Variants in KBTBD2 observed in about 807,000 individuals in gnomAD.
KBTBD2 encodes the protein kelch repeat and BTB domain containing 2, also known as kelch repeat and BTB domain-containing protein 2.
KBTBD2 carries 17 observed loss-of-function variants against 57.1 expected under a neutral mutation model. The ratio of observed to expected loss-of-function variants is 0.30; its 90% CI spans 0.20 to 0.45. The LOEUF is 0.45. Among genes scored for constraint, KBTBD2 ranks in the 20% least tolerant of loss-of-function variants. KBTBD2 has a pLI of 1.00. For missense variants in KBTBD2, 515 were observed against 750.6 expected (o/e 0.69, Z 3.67); for synonymous variants, 267 against 262.7 (o/e 1.02, Z -0.16).
chr7:32,869,506 C>T lies in KBTBD2; in HGVS notation c.1711G>A (p.Val571Ile). 6.2e-7 allele frequency: 1 copy of T among 1,614,162 alleles called. No homozygotes were observed. ...WSLRQHISER[V>I]LWDLGRDFRC... The stretch of plus-strand genomic sequence containing the variant: ...AAATCTCTCCCCAAGTCCCACAGTA[C>T]ACGTTCAGATATATGCTGCCGCAGA... The change falls in exon 4 of 4, where the codon GTA becomes ATA. Residue 571 changes from valine (V) to isoleucine (I), a missense_variant. Transcript: ENST00000304056.
At chr7:32,878,523 T>C (rs1368993000) in intron 2 of KBTBD2, among the ~76,000 whole-genome samples, 1 of 150,574 alleles carries the variant, frequency 6.6e-6, no homozygotes, top group Admixed American at 6.7e-5. Flanking sequence ...GAGGTTGCAG[T>C]GAGCCGAGAT....
At position 32,870,075 on chromosome 7, in the gene KBTBD2, T is replaced by C. The variant is rs746501506; in HGVS notation, c.1142A>G (p.Tyr381Cys). The C allele has an allele frequency of 7.4e-6, 12 of 1,614,116 alleles. No individual in the cohort carries two copies. The highest frequency in any genetic ancestry group is 1.6e-4 in the Middle Eastern group (1 of 6,084). The change falls in exon 4 of 4, where the codon TAT becomes TGT. Residue 381 changes from tyrosine to cysteine, a missense_variant. Transcript: ENST00000304056. ...IKPSLVCCEG[Y>C]IYAIGGDSVG... ...GCTATCTCCTCCAATTGCATAGATA[T>C]AGCCTTCACAGCAAACCAAAGATGG...
At position 32,879,699 on chromosome 7, in the gene KBTBD2, A is replaced by C. The variant is rs145476576; in HGVS notation, c.-95T>G. On this transcript the variant is annotated 5_prime_UTR_variant, in exon 2 of 4. Coordinates refer to ENST00000304056, the MANE Select transcript of KBTBD2 (RefSeq NM_015483.3). ...ATACTTCAGAAATAAAGGAGAACCT[A>C]CTTGCTGTTATCTGCAGCATTCAGT... 1.7e-4 allele frequency: 161 copies of C among 971,608 alleles called. 1 individual carries two copies. The African/African-American group carries it at 2.4e-3, about 15-fold the overall frequency. 60.2% of individuals were successfully genotyped at this position (971,608 alleles called of 1,614,324 possible).
At chr7:32,890,929 G>A (rs1784717795) in intron 1 of KBTBD2, 1 of 152,184 alleles carries the variant, frequency 6.6e-6, no homozygotes, top group Non-Finnish European at 1.5e-5. Flanking sequence ...GGGAGAAGGA[G>A]GTGGTCGAAT....
At chr7:32,878,404 C>A (rs1012921072) in intron 2 of KBTBD2, among the ~76,000 whole-genome samples, 1 of 151,908 alleles carries the variant, frequency 6.6e-6, no homozygotes, top group African/African-American at 2.4e-5. Flanking sequence ...CATGGTGAAA[C>A]CCCATCTCTA....
At chr7:32,891,874 GCCCGCCGCC>G (rs554794335), upstream of KBTBD2, 71 of 94,262 alleles carry the variant, frequency 7.5e-4, no homozygotes, top group East Asian at 3.7e-3. Context: ...GAGACGCCGG[GCCCGCCGCC>G]CCCGCCGCCC....
chr7:32,873,356 T>C (rs529522363), intron 3 of KBTBD2, among the ~76,000 whole-genome samples: 3 of 84,448 alleles, frequency 3.6e-5, no homozygotes, highest in African/African-American at 1.6e-4. Flanking sequence ...AATAGTACCA[T>C]GAAAAATTAG....
At chr7:32,890,528 G>A (rs1240322553) in intron 1 of KBTBD2, among the ~76,000 whole-genome samples, 1 of 152,216 alleles carries the variant, frequency 6.6e-6, no homozygotes, top group Non-Finnish European at 1.5e-5. Context: ...CTGTTAATTA[G>A]TTGCCTCGAT....
intron 1 of KBTBD2, among the ~76,000 whole-genome samples, chr7:32,884,851 A>G (rs1479281723): frequency 2.0e-5 from 3 of 151,882 alleles, no homozygotes; most frequent in Non-Finnish European, 2.9e-5. Context: ...CAAAGACAAT[A>G]TGGAAACAAA....
chr7:32,884,972 G>GTATATATATATACACATATA (rs1784533395), intron 1 of KBTBD2, among the ~76,000 whole-genome samples: 6 of 130,584 alleles, frequency 4.6e-5, no homozygotes, highest in African/African-American at 1.8e-4. Context: ...GTGTGTATGT[G>GTATATATATATACACATATA]TGTGTATATA....
At position 32,869,578 on chromosome 7, in the gene KBTBD2, C is replaced by G. The variant is rs777740509; in HGVS notation, c.1639G>C (p.Ala547Pro). Residue 547 changes from alanine to proline, a missense_variant, in exon 4 of 4, where the codon GCT (alanine) becomes CCT (proline). Ala to Pro is a conservative substitution (Grantham distance 27). Coordinates refer to ENST00000304056, the MANE Select transcript of KBTBD2 (RefSeq NM_015483.3). ...TCATATTGGTAGGTGACGTATTTAG[C>G]TCGCTCATTTAAGTGGGTTTCTCGC... is the stretch of plus-strand genomic sequence containing the variant. ...FMRETHLNER[A>P]KYVTYQYDLE... 3.1e-6 allele frequency: 5 copies of G among 1,614,026 alleles called. No individual in the cohort carries two copies. The highest frequency in any genetic ancestry group is 4.2e-6 in the Non-Finnish European group (5 of 1,180,026).
chr7:32,888,966 T>C (rs1483683956), intron 1 of KBTBD2, among the ~76,000 whole-genome samples: 1 of 152,192 alleles, frequency 6.6e-6, no homozygotes. Context: ...TCCTTTTATT[T>C]TGGGTATCAC....
intron 1 of KBTBD2, among the ~76,000 whole-genome samples, chr7:32,889,534 G>A (rs1405453307): frequency 1.3e-5 from 2 of 152,032 alleles, no homozygotes; most frequent in Non-Finnish European, 2.9e-5. Context: ...CCTGAAGGCG[G>A]AGGTTGCAGT....
intron 2 of KBTBD2, among the ~76,000 whole-genome samples, chr7:32,876,973 AACAG>A (rs998532616): frequency 6.6e-6 from 1 of 151,974 alleles, no homozygotes; most frequent in African/African-American, 2.4e-5. Context: ...GGAACAAACA[AACAG>A]ACAAACAAAA....
chr7:32,879,499 T>C lies in KBTBD2; in HGVS notation c.106A>G (p.Ile36Val). ...CAAGGGAATTCAGTGCCCTCAACAA[T>C]TAACACTATGTCAGTAAACAACTGC... Reference protein sequence around the residue: ...EQQLFTDIVLIVEGTEFPCHK... With the variant: ...EQQLFTDIVLVVEGTEFPCHK... Residue 36 changes from isoleucine (I) to valine (V), a missense_variant, in exon 2 of 4, where the codon ATT (isoleucine) becomes GTT (valine). Physicochemically the swap from Ile to Val is conservative, Grantham distance 29. Transcript: ENST00000304056. 6.2e-7 allele frequency: 1 copy of C among 1,613,432 alleles called. No homozygotes were observed.
intron 1 of KBTBD2, among the ~76,000 whole-genome samples, chr7:32,886,970 G>GC (rs1484803542): frequency 6.7e-6 from 1 of 150,070 alleles, no homozygotes; most frequent in Middle Eastern, 3.2e-3. Flanking sequence ...TTGGGGGGAG[G>GC]CAATGAGGGG....
rs1784277439 is a variant in KBTBD2, at chr7:32,875,049, G to A, written c.279C>T (p.Asn93=). Reference sequence around the variant, plus strand: ...CTACAGTGCTGTCATTCATTGCCAAGTTACCCGTGTATGCATAAGTTATTA... The same window carrying A: ...CTACAGTGCTGTCATTCATTGCCAAATTACCCGTGTATGCATAAGTTATTA... ...QIIITYAYTG[N]LAMNDSTVEQ... Residue 93 remains asparagine, a synonymous_variant, in exon 3 of 4, where the codon AAC becomes AAT. Coordinates refer to ENST00000304056, the MANE Select transcript of KBTBD2 (RefSeq NM_015483.3). 3 of 1,614,040 alleles carry A rather than the reference G, an allele frequency of 1.9e-6. No individual in the cohort carries two copies. The African/African-American group carries it at 4.0e-5, about 22-fold the overall frequency.
At chr7:32,885,021 C>CATATATGTGTATATATATATATATAT (rs1562537593) in intron 1 of KBTBD2, among the ~76,000 whole-genome samples, 1 of 144,480 alleles carries the variant, frequency 6.9e-6, no homozygotes, top group African/African-American at 2.6e-5. Flanking sequence ...TATATATACA[C>CATATATGTGTATATATATATATATAT]ACACATACAC....
chr7:32,881,603 C>A (rs1267338461), intron 1 of KBTBD2, among the ~76,000 whole-genome samples: 1 of 152,120 alleles, frequency 6.6e-6, no homozygotes, highest in African/African-American at 2.4e-5. Flanking sequence ...TTGAAAGTAA[C>A]TAAAACAGGT....
Sources: allele counts gnomAD v4.1 joint callset (sites outside exome capture counted in the v4.1 genomes callset), GRCh38; gene constraint gnomAD v4.1.1; transcripts MANE v1.5; gene names NCBI Gene and HGNC (gene_info 2026-07-23, HGNC 2026-07-21).